The following VWA3B variants were observed in gnomAD, a reference collection of about 807,000 sequenced individuals.
The protein encoded by VWA3B is von Willebrand factor A domain containing 3B, also known as von Willebrand factor A domain-containing protein 3B.
VWA3B carries 138 observed loss-of-function variants against 158.3 expected under a neutral mutation model. The observed-to-expected ratio is 0.87, with a 90% CI of 0.76 to 1.00. The LOEUF is 1.00. VWA3B is among the 50% of genes least tolerant of loss of function. The pLI, the probability that VWA3B is intolerant of heterozygous loss-of-function variation, is 0.00. For missense variants in VWA3B, 1,555 were observed against 1,565.1 expected, an observed-to-expected ratio of 0.99 and a Z score of 0.11; for synonymous variants, 596 against 587.3, an observed-to-expected ratio of 1.01 and a Z score of -0.21.
At chr2:98,258,530 G>A (rs1379973426) in intron 21 of VWA3B, among the ~76,000 whole-genome samples, 2 of 151,738 alleles carry the variant, frequency 1.3e-5, no homozygotes, top group Non-Finnish European at 3.0e-5. Context: ...AATTCCTTCA[G>A]CAATGTTATA....
At chr2:98,245,561 A>G in intron 19 of VWA3B, 1 of 457,118 alleles carries the variant, frequency 2.2e-6, no homozygotes, top group South Asian at 1.5e-5. Flanking sequence ...GAAGCACACA[A>G]TGGCCACGAA....
chr2:98,284,041 C>G (rs1481074538), intron 22 of VWA3B, among the ~76,000 whole-genome samples: 1 of 152,230 alleles, frequency 6.6e-6, no homozygotes, highest in Non-Finnish European at 1.5e-5. Flanking sequence ...ATGGTGAATT[C>G]TCTTTGATGT....
At chr2:98,135,711 T>C (rs1425930244) in intron 7 of VWA3B, among the ~76,000 whole-genome samples, 2 of 152,364 alleles carry the variant, frequency 1.3e-5, no homozygotes, top group South Asian at 4.1e-4. Context: ...CATCTGAATT[T>C]GGAGGGAGAA....
intron 3 of VWA3B, among the ~76,000 whole-genome samples, chr2:98,119,109 A>G (rs1674753538): frequency 6.6e-6 from 1 of 152,224 alleles, no homozygotes; most frequent in South Asian, 2.1e-4. Flanking sequence ...CATGTTCAGT[A>G]GCATTTTCAG....
the VWA3B span, among the ~76,000 whole-genome samples, chr2:98,323,432 A>T: frequency 6.6e-6 from 1 of 152,076 alleles, no homozygotes; most frequent in Non-Finnish European, 1.5e-5. Context: ...AACCTCAGAG[A>T]CCCATGGAAT....
At chr2:98,211,806 T>G (rs1457793967) in intron 12 of VWA3B, 124 bp from the exon 13 acceptor site, 3 of 766,134 alleles carry the variant, frequency 3.9e-6, no homozygotes, top group Non-Finnish European at 6.4e-6. Context: ...ATTATCTCAA[T>G]GTAATTATTT....
intron 19 of VWA3B, among the ~76,000 whole-genome samples, chr2:98,237,162 C>T (rs1044840849): frequency 3.9e-5 from 6 of 152,176 alleles, no homozygotes; most frequent in African/African-American, 1.4e-4. Flanking sequence ...GGTGACAAAG[C>T]GAGATCTTGT....
intron 19 of VWA3B, 142 bp downstream of exon 19, chr2:98,236,872 GGA>G: frequency 4.0e-5 from 49 of 1,226,602 alleles, no homozygotes; most frequent in Admixed American, 4.9e-5. Context: ...GCAGTAAAAG[GGA>G]GAGAGAGAGG....
chr2:98,187,998 T>C lies in VWA3B; in HGVS notation c.1335T>C (p.His445=). 2.5e-6 allele frequency: 4 copies of C among 1,613,610 alleles called. No individual in the cohort carries two copies. The highest frequency in any genetic ancestry group is 2.5e-6 in the Non-Finnish European group (3 of 1,179,806). Residue 445 remains histidine (H), a synonymous_variant, in exon 10 of 28, where the codon CAT becomes CAC. Coordinates refer to ENST00000477737, the MANE Select transcript of VWA3B (RefSeq NM_144992.5). ...AGGAGACGAACAAGAAGACAGTCCA[T>C]GCAAAATATTGCAGCAGGTTTGTCC... ...TSAETNKKTV[H]AKYCSRFVHA...
Position 98,109,453 on chromosome 2 carries a change from C to T in VWA3B, c.197-6199C>T, listed in dbSNP as rs577557715. 1.7e-4 allele frequency among the ~76,000 whole-genome samples: 26 copies of T among 152,180 alleles called. No individual in the cohort carries two copies. In the South Asian group the frequency reaches 5.4e-3, roughly 32 times the overall value. On this transcript the variant is annotated intron_variant, in intron 2 of 27. Transcript: ENST00000477737. ...TCCCTTTATAGCCCTTTGCCCTTCC[C>T]ATTTATAATAAAATGTATTATTTTA...
At chr2:98,219,384 G>A (rs1684294416) in intron 14 of VWA3B, among the ~76,000 whole-genome samples, 2 of 152,056 alleles carry the variant, frequency 1.3e-5, no homozygotes, top group Non-Finnish European at 2.9e-5. Flanking sequence ...GGCAGCAATA[G>A]AAACTATCCA....
the VWA3B span, among the ~76,000 whole-genome samples, chr2:98,329,684 TGA>T: frequency 6.6e-6 from 1 of 152,152 alleles, no homozygotes; most frequent in African/African-American, 2.4e-5. Context: ...CTAGGTATTG[TGA>T]AGGTATCTTG....
At chr2:98,298,059 C>T (rs966372724) in intron 24 of VWA3B, 28 bp downstream of exon 24, 11 of 1,449,928 alleles carry the variant, frequency 7.6e-6, no homozygotes, top group Non-Finnish European at 1.0e-5. Flanking sequence ...TGTTCTGGGG[C>T]CCCTTTTCAC....
intron 21 of VWA3B, among the ~76,000 whole-genome samples, chr2:98,258,684 T>C (rs1340153236): frequency 6.6e-6 from 1 of 151,914 alleles, no homozygotes. Context: ...TATTTTGACT[T>C]TGTACCTTGC....
At chr2:98,228,455 G>C in intron 15 of VWA3B, 123 bp downstream of exon 15, 1 of 1,173,316 alleles carries the variant, frequency 8.5e-7, no homozygotes, top group Non-Finnish European at 1.2e-6. Flanking sequence ...GAATCACGTA[G>C]TGTGATTAAG....
chr2:98,224,479 G>T (rs1210569844), intron 14 of VWA3B, among the ~76,000 whole-genome samples: 1 of 152,048 alleles, frequency 6.6e-6, no homozygotes, highest in Non-Finnish European at 1.5e-5. Flanking sequence ...TTGATGCTGG[G>T]ACTGTTATAA....
chr2:98,313,294 A>T lies in VWA3B; in HGVS notation c.*945A>T, dbSNP rs537202000. ...CACTTCTAAAAATATGAAAAAAAAA[A>T]AATAAGGGACATGCGCTCAGCATCA... On this transcript the variant is annotated 3_prime_UTR_variant, in exon 28 of 28. Coordinates refer to ENST00000477737, the MANE Select transcript of VWA3B (RefSeq NM_144992.5). 27 of 152,288 alleles carry T rather than the reference A, an allele frequency of 1.8e-4. No individual in the cohort carries two copies. The highest frequency in any genetic ancestry group is 3.4e-3 in the Middle Eastern group (1 of 294). The allele number at this position is 152,288 out of a possible 1,614,324, so 9.4% of individuals were successfully genotyped here.
At chr2:98,117,562 G>A (rs1015151991) in intron 3 of VWA3B, among the ~76,000 whole-genome samples, 1 of 152,076 alleles carries the variant, frequency 6.6e-6, no homozygotes, top group Non-Finnish European at 1.5e-5. Context: ...CAGCAGGGGG[G>A]CCATGGGTGA....
chr2:98,242,784 G>C (rs911190790), intron 19 of VWA3B, among the ~76,000 whole-genome samples: 1 of 150,368 alleles, frequency 6.7e-6, no homozygotes, highest in African/African-American at 2.5e-5. Flanking sequence ...AAAACTTAGA[G>C]TGACCTGTGA....
Sources: allele counts gnomAD v4.1 joint callset (sites outside exome capture counted in the v4.1 genomes callset), GRCh38; gene constraint gnomAD v4.1.1; transcripts MANE v1.5; gene names NCBI Gene and HGNC (gene_info 2026-07-23, HGNC 2026-07-21).